The following USP44 variants were observed in gnomAD, a reference collection of about 807,000 sequenced individuals.
The protein encoded by USP44 is ubiquitin carboxyl-terminal hydrolase 44.
Under a neutral mutation model 69.0 loss-of-function variants are expected in USP44, and 61 were observed. That is an observed-to-expected ratio of 0.88 (90% CI 0.72 to 1.09). The LOEUF is 1.09. Ranked by LOEUF, USP44 falls within the 50% of genes least tolerant of loss-of-function variation. USP44 has a pLI of 0.00. For synonymous variants in USP44, 297 were observed against 295.4 expected (o/e 1.01, Z -0.06); for missense variants, 753 against 849.9 (o/e 0.89, Z 1.42).
chr12:95,533,605 C>T lies in USP44; in HGVS notation c.652G>A (p.Gly218Arg), dbSNP rs1196486018. ...TCTATTATGGTCGACTGAGCGAGCC[C>T]TTGTAAACGTAAACTCTTTCTTGGA... ...MPPRKSLRLQGLAQSTIIEIV... is the reference protein window; with the variant it reads ...MPPRKSLRLQRLAQSTIIEIV... Residue 218 changes from glycine to arginine, a missense_variant, in exon 2 of 6, where the codon GGG (glycine) becomes AGG (arginine). Physicochemically the swap from Gly to Arg is moderately radical, Grantham distance 125 (BLOSUM62 -2). Coordinates refer to ENST00000258499, the MANE Select transcript of USP44 (RefSeq NM_032147.5). The T allele has an allele frequency of 1.2e-6, 2 of 1,613,782 alleles. No individual in the cohort carries two copies. The highest frequency in any genetic ancestry group is 2.2e-5 in the South Asian group (2 of 91,052).
intron 4 of USP44, among the ~76,000 whole-genome samples, chr12:95,521,511 G>A (rs1440099618): frequency 6.6e-6 from 1 of 152,050 alleles, no homozygotes; most frequent in Admixed American, 6.5e-5. Context: ...TTTGTTTTTT[G>A]TTGTTTTTGA....
intron 1 of USP44, among the ~76,000 whole-genome samples, chr12:95,539,932 A>G (rs2077334666): frequency 6.6e-6 from 1 of 152,242 alleles, no homozygotes; most frequent in South Asian, 2.1e-4. Context: ...TTACAGTTCG[A>G]CAGCATAAAA....
chr12:95,517,305 A>G lies in USP44; in HGVS notation c.*849T>C, dbSNP rs998110801. ...ACTCTATTCCTTTGAACTAAAAAAA[A>G]TACATAAAGTTTTAAGAGATCTAAT... is the stretch of plus-strand genomic sequence containing the variant. On this transcript the variant is annotated 3_prime_UTR_variant, in exon 6 of 6. Transcript: ENST00000258499. The G allele has an allele frequency of 2.6e-5, 4 of 152,136 alleles. No homozygotes were observed. The highest frequency in any genetic ancestry group is 4.4e-5 in the Non-Finnish European group (3 of 68,012). 9.4% of individuals were successfully genotyped at this position (152,136 alleles called of 1,614,324 possible).
intron 3 of USP44, among the ~76,000 whole-genome samples, chr12:95,528,550 A>G (rs2076923281): frequency 6.6e-6 from 1 of 152,182 alleles, no homozygotes; most frequent in African/African-American, 2.4e-5. Context: ...TGCTCCACAT[A>G]TCATATTTAA....
At chr12:95,542,195 A>T (rs1290452112) in intron 1 of USP44, among the ~76,000 whole-genome samples, 1 of 152,060 alleles carries the variant, frequency 6.6e-6, no homozygotes, top group Non-Finnish European at 1.5e-5. Flanking sequence ...TTAATTTCTT[A>T]AAGGACTTTG....
intron 5 of USP44, among the ~76,000 whole-genome samples, chr12:95,520,496 A>G (rs1452503152): frequency 6.6e-6 from 1 of 152,106 alleles, no homozygotes; most frequent in Non-Finnish European, 1.5e-5. Flanking sequence ...CATCTCACAA[A>G]AAAAAAAGGT....
rs149214371 is a variant in USP44 at position 95,533,821 on chromosome 12, G to A, written c.436C>T (p.Leu146=). The part of the protein sequence containing the change: ...AQSLLQSEDQ[L]YTALWHRRRI... ...CTCCTGTGCCAAAGAGCAGTATACAGTTGATCTTCACTTTGAAGCAGAGAT... is the reference window on the plus strand; with the variant it reads ...CTCCTGTGCCAAAGAGCAGTATACAATTGATCTTCACTTTGAAGCAGAGAT... The change falls in exon 2 of 6, where the codon CTG becomes TTG. Residue 146 remains leucine, a synonymous_variant. Coordinates refer to ENST00000258499, the MANE Select transcript of USP44 (RefSeq NM_032147.5). The A allele has an allele frequency of 4.9e-5, 79 of 1,614,062 alleles. 1 individual carries two copies. The highest frequency in any genetic ancestry group is 6.7e-5 in the Non-Finnish European group (79 of 1,180,052).
chr12:95,539,840 T>C lies in USP44; in HGVS notation c.-70-5514A>G, dbSNP rs138333051. 4.1e-4 allele frequency among the ~76,000 whole-genome samples: 62 copies of C among 152,314 alleles called. 1 individual carries two copies. The South Asian group carries it at 8.7e-3, about 21-fold the overall frequency. On this transcript the variant is annotated intron_variant, in intron 1 of 5. Coordinates refer to ENST00000258499, the MANE Select transcript of USP44 (RefSeq NM_032147.5). ...AAAGCTAAAATGATTAGGAGAGAAA[T>C]AGATGATCTTATAAGGGATTTTTAA... is the stretch of plus-strand genomic sequence containing the variant.
intron 4 of USP44, among the ~76,000 whole-genome samples, chr12:95,522,536 G>A (rs112835548): frequency 0.039 from 5,972 of 152,144 alleles, 399 homozygotes; most frequent in African/African-American, 0.14. Flanking sequence ...CCAGCACCTT[G>A]GGAGGCCGAG....
intron 5 of USP44, among the ~76,000 whole-genome samples, chr12:95,519,947 G>T (rs1434095121): frequency 7.3e-6 from 1 of 136,200 alleles, no homozygotes; most frequent in African/African-American, 2.8e-5. Context: ...GGCGGAGGTT[G>T]CAGTGAGCCG....
intron 5 of USP44, among the ~76,000 whole-genome samples, chr12:95,520,592 TGTGTG>T (rs2076629663): frequency 6.6e-6 from 1 of 152,242 alleles, no homozygotes; most frequent in Non-Finnish European, 1.5e-5. Context: ...AAGTGAGTTT[TGTGTG>T]TTAAACTTGA....
intron 1 of USP44, among the ~76,000 whole-genome samples, chr12:95,537,808 ACTTT>A (rs774209491): frequency 6.6e-6 from 1 of 152,194 alleles, no homozygotes; most frequent in South Asian, 2.1e-4. Context: ...AAATTACTGT[ACTTT>A]CTTTATTAAT....
chr12:95,545,587 C>A (rs371718539), intron 1 of USP44, among the ~76,000 whole-genome samples: 2 of 152,134 alleles, frequency 1.3e-5, no homozygotes, highest in Admixed American at 6.5e-5. Flanking sequence ...CTTACCCACT[C>A]GTATAAGCAA....
chr12:95,537,394 C>T (rs796787273), intron 1 of USP44, among the ~76,000 whole-genome samples: 11 of 152,276 alleles, frequency 7.2e-5, no homozygotes, highest in African/African-American at 2.6e-4. Context: ...TCTTAGCTCA[C>T]TGCAACCTCC....
At chr12:95,537,892 TAA>T (rs2077258897) in intron 1 of USP44, among the ~76,000 whole-genome samples, 1 of 152,200 alleles carries the variant, frequency 6.6e-6, no homozygotes, top group Non-Finnish European at 1.5e-5. Context: ...AAGTATGTGC[TAA>T]ATTGTACACT....
intron 1 of USP44, among the ~76,000 whole-genome samples, chr12:95,539,603 C>CT (rs1377064411): frequency 6.6e-6 from 1 of 152,164 alleles, no homozygotes; most frequent in Non-Finnish European, 1.5e-5. Flanking sequence ...ATTCTAAAAG[C>CT]TTTTTTGTCA....
At position 95,518,042 on chromosome 12, in the gene USP44, TATAA is replaced by T. The variant is rs2076529833; in HGVS notation, c.*108_*111del. 3.5e-6 allele frequency: 4 copies of T among 1,150,336 alleles called. No homozygotes were observed. The South Asian group carries it at 6.7e-5, about 19-fold the overall frequency. The allele number at this position is 1,150,336 out of a possible 1,614,324, so 71.3% of individuals were successfully genotyped here. A position where few individuals can be genotyped will look rare whatever the true frequency, so the allele number is the denominator to read the frequency against. ...AAAAAAAATTGTTAGATATAAAATG[TATAA>T]ATGTAGTATACACTGATTCACAAGA... On this transcript the variant is annotated 3_prime_UTR_variant, in exon 6 of 6. Coordinates refer to ENST00000258499, the MANE Select transcript of USP44 (RefSeq NM_032147.5).
In USP44 at chr12:95,517,872, T is replaced by C. The variant is rs1297403585; in HGVS notation, c.*282A>G. On this transcript the variant is annotated 3_prime_UTR_variant, in exon 6 of 6. Coordinates refer to ENST00000258499, the MANE Select transcript of USP44 (RefSeq NM_032147.5). ...CCACTTGAACTTTGTTGGTAGAAGA[T>C]TGCACAAGTTCATCATCCGAGCCAA... 3 of 261,382 alleles carry C rather than the reference T, an allele frequency of 1.1e-5. No individual in the cohort carries two copies. The highest frequency in any genetic ancestry group is 2.2e-5 in the Non-Finnish European group (3 of 137,470). The allele number at this position is 261,382 out of a possible 1,614,324, so 16.2% of individuals were successfully genotyped here. A position where few individuals can be genotyped will look rare whatever the true frequency, so the allele number is the denominator to read the frequency against.
rs7953848 is a variant in USP44, at chr12:95,550,139, T to C, written c.-71+1133A>G. On this transcript the variant is annotated intron_variant, in intron 1 of 5. Coordinates refer to ENST00000258499, the MANE Select transcript of USP44 (RefSeq NM_032147.5). ...GGTTGTGGTGAGCCTAGATCCACAA[T>C]TGCACTCAAGCCTGGGCAGCAACAA... Among the ~76,000 whole-genome samples the C allele has an allele frequency of 9.3e-3, 1,340 of 143,426 alleles. 28 individuals carry two copies. The highest frequency in any genetic ancestry group is 0.033 in the African/African-American group (1,277 of 38,370). The allele number at this position is 143,426 out of a possible 152,430, so 94.1% of individuals were successfully genotyped here. A position where few individuals can be genotyped will look rare whatever the true frequency, so the allele number is the denominator to read the frequency against.
Sources: allele counts gnomAD v4.1 joint callset (sites outside exome capture counted in the v4.1 genomes callset), GRCh38; gene constraint gnomAD v4.1.1; transcripts MANE v1.5; gene names NCBI Gene and HGNC (gene_info 2026-07-23, HGNC 2026-07-21).